Variants in GIT2 observed in about 807,000 individuals in gnomAD.
GIT2 encodes GIT ArfGAP 2.
Under a neutral mutation model 100.3 loss-of-function variants are expected in GIT2, and 32 were observed. The ratio of observed to expected loss-of-function variants is 0.32; its 90% CI spans 0.24 to 0.43. The LOEUF (loss-of-function observed/expected upper bound fraction) is 0.43, where lower values mean the gene tolerates loss of function less well. Among genes scored for constraint, GIT2 ranks in the 20% least tolerant of loss-of-function variants. The probability of loss-of-function intolerance (pLI) is 1.00; values close to 1 mark genes in which losing one functional copy is unlikely to be tolerated. For synonymous variants in GIT2, 353 were observed against 364.1 expected (o/e 0.97, Z 0.35); for missense variants, 737 against 975.1 (o/e 0.76, Z 3.25).
rs1881302292 is a variant in GIT2 at position 109,962,299 on chromosome 12, GCCAAGATCAC to G, written c.817-624_817-615del. ...GCCCAGGATATCAAGGCTGCAGTGA[GCCAAGATCAC>G]ACCACTGCACTCCAGGCTGGGTGAC... is the stretch of plus-strand genomic sequence containing the variant. On this transcript the variant is annotated intron_variant, in intron 9 of 19. Transcript: ENST00000355312. The surrounding 1 kb of genome is among the most constrained non-coding windows in gnomAD (Gnocchi z 4.3). Among the ~76,000 whole-genome samples the G allele has an allele frequency of 6.6e-6, 1 of 152,194 alleles. No individual in the cohort carries two copies. The highest frequency in any genetic ancestry group is 2.4e-5 in the African/African-American group (1 of 41,446).
chr12:109,936,099 A>G (rs1017185131), intron 18 of GIT2, among the ~76,000 whole-genome samples: 14 of 152,296 alleles, frequency 9.2e-5, no homozygotes, highest in East Asian at 1.9e-4. Context: ...AGAAAAAGGC[A>G]TGGGTTTAAT....
intron 7 of GIT2, among the ~76,000 whole-genome samples, chr12:109,972,255 C>T (rs981617664): frequency 6.6e-6 from 1 of 152,034 alleles, no homozygotes; most frequent in African/African-American, 2.4e-5. Flanking sequence ...GAGTGGACAC[C>T]CTAGTCTTTC....
chr12:109,966,246 G>A (rs865806796), intron 8 of GIT2, among the ~76,000 whole-genome samples: 3 of 140,282 alleles, frequency 2.1e-5, no homozygotes, highest in Non-Finnish European at 3.1e-5. Context: ...CACCCGCCTC[G>A]GCCTCTCAAA....
chr12:109,938,624 G>T, intron 17 of GIT2, 56 bp from the exon 18 acceptor site: 1 of 1,276,996 alleles, frequency 7.8e-7, no homozygotes, highest in South Asian at 1.4e-5. Context: ...CTGCCCCTCT[G>T]CTTCTAGGAG....
chr12:109,970,773 C>T (rs1883669701), intron 7 of GIT2, among the ~76,000 whole-genome samples: 1 of 152,164 alleles, frequency 6.6e-6, no homozygotes, highest in Non-Finnish European at 1.5e-5. Context: ...CTTCACCCTT[C>T]CATTTGAATT....
intron 13 of GIT2, among the ~76,000 whole-genome samples, chr12:109,951,539 C>T (rs1485188838): frequency 6.6e-6 from 1 of 152,188 alleles, no homozygotes; most frequent in Non-Finnish European, 1.5e-5. Flanking sequence ...GGCAGTGAGG[C>T]TACACATCTA....
At chr12:109,976,102 C>G (rs191798445) in intron 7 of GIT2, among the ~76,000 whole-genome samples, 5 of 122,976 alleles carry the variant, frequency 4.1e-5, no homozygotes, top group Non-Finnish European at 6.4e-5. Context: ...GTAGAAATTA[C>G]TATACACACA....
Position 109,951,154 on chromosome 12 carries a change from A to AT in GIT2, c.1392+12dup. On this transcript the variant is annotated intron_variant, in intron 14 of 19. Transcript: ENST00000355312. ...TAAAGCGTCAACCGTCCTGGCATTT[A>AT]TTAACATGTTACCTTTTTCTGCATA... The AT allele has an allele frequency of 6.2e-7, 1 of 1,609,734 alleles. No homozygotes were observed. Among genetic ancestry groups the AT allele is most frequent in the Non-Finnish European group, 8.5e-7 (1 of 1,176,018 alleles).
At chr12:109,966,189 T>A (rs1034880083) in intron 8 of GIT2, among the ~76,000 whole-genome samples, 1 of 145,498 alleles carries the variant, frequency 6.9e-6, no homozygotes. Context: ...AGAGACAGGG[T>A]TTCACCATCT....
At position 109,933,381 on chromosome 12, in the gene GIT2, C is replaced by T; in HGVS notation, c.2068-191G>A. The T allele has an allele frequency of 1.9e-6, 1 of 528,420 alleles. No individual in the cohort carries two copies. Among genetic ancestry groups the T allele is most frequent in the East Asian group, 2.9e-5 (1 of 34,180 alleles). The allele number at this position is 528,420 out of a possible 1,614,324, so 32.7% of individuals were successfully genotyped here. A position where few individuals can be genotyped will look rare whatever the true frequency, so the allele number is the denominator to read the frequency against. ...ACAGCGTAAGAGATGCTGAAATATT[C>T]TGATTCAAAGGTCAAAGTGCATGCA... On this transcript the variant is annotated intron_variant, in intron 19 of 19. Coordinates refer to ENST00000355312, the MANE Select transcript of GIT2 (RefSeq NM_057169.5). This position sits in a 1 kb window ranked among gnomAD's most constrained non-coding sequence, Gnocchi z 4.5.
intron 16 of GIT2, among the ~76,000 whole-genome samples, chr12:109,942,402 A>G (rs1421664826): frequency 6.6e-6 from 1 of 152,018 alleles, no homozygotes; most frequent in African/African-American, 2.4e-5. Flanking sequence ...ATCCTGGATC[A>G]CTGTAACTTC....
intron 1 of GIT2, among the ~76,000 whole-genome samples, chr12:109,995,642 T>C (rs1889211616): frequency 6.6e-6 from 1 of 152,128 alleles, no homozygotes; most frequent in Non-Finnish European, 1.5e-5. Context: ...CTGGTTGTGT[T>C]TGGAAGACCC....
chr12:109,999,183 C>T (rs1190095627), upstream of GIT2: 1 of 152,658 alleles, frequency 6.6e-6, no homozygotes, highest in Non-Finnish European at 1.5e-5. This position sits in a 1 kb window ranked among gnomAD's most constrained non-coding sequence, Gnocchi z 4.3. Context: ...TGGACCGAAC[C>T]ACATGGGGCT....
At chr12:109,991,397 T>C (rs1008634920) in intron 2 of GIT2, among the ~76,000 whole-genome samples, 2 of 152,130 alleles carry the variant, frequency 1.3e-5, no homozygotes, top group Non-Finnish European at 2.9e-5. Context: ...TTCATCTATC[T>C]ACCTATAATT....
Position 109,933,836 on chromosome 12 carries a change from G to T in GIT2, c.2067+186C>A, listed in dbSNP as rs1872243075. ...GGCTGGCCTCGAACTCCCGACCTCA[G>T]GTGATCTGCCTGTCTCGGCCTCCCA... On this transcript the variant is annotated intron_variant, in intron 19 of 19. Transcript: ENST00000355312. This position sits in a 1 kb window ranked among gnomAD's most constrained non-coding sequence, Gnocchi z 4.5. 10 of 571,522 alleles carry T rather than the reference G, an allele frequency of 1.7e-5. No individual in the cohort carries two copies. In the South Asian group the frequency reaches 1.8e-4, roughly 10 times the overall value. 35.4% of individuals were successfully genotyped at this position (571,522 alleles called of 1,614,324 possible). A position where few individuals can be genotyped will look rare whatever the true frequency, so the allele number is the denominator to read the frequency against.
chr12:109,983,041 G>A (rs886227850), intron 6 of GIT2: 4 of 208,180 alleles, frequency 1.9e-5, no homozygotes, highest in South Asian at 8.6e-5. Context: ...TTGCTTTTAA[G>A]TTCAAGAAAT....
intron 16 of GIT2, among the ~76,000 whole-genome samples, chr12:109,943,594 A>G (rs943273133): frequency 6.6e-6 from 1 of 152,128 alleles, no homozygotes; most frequent in African/African-American, 2.4e-5. Flanking sequence ...TTGGCCTTCC[A>G]AAGTGCTGGG....
intron 7 of GIT2, among the ~76,000 whole-genome samples, chr12:109,970,107 C>CTATG (rs1406707921): frequency 2.0e-5 from 3 of 152,044 alleles, no homozygotes; most frequent in African/African-American, 7.2e-5. Flanking sequence ...ACATTTAGAT[C>CTATG]TATGATCCTT....
At chr12:109,935,449 A>G (rs1403874123) in intron 18 of GIT2, among the ~76,000 whole-genome samples, 1 of 152,134 alleles carries the variant, frequency 6.6e-6, no homozygotes, top group Non-Finnish European at 1.5e-5. Flanking sequence ...GCAGTGGTGC[A>G]ATCTCGGCTC....
Sources: allele counts gnomAD v4.1 joint callset (sites outside exome capture counted in the v4.1 genomes callset), GRCh38; gene constraint gnomAD v4.1.1; non-coding constraint Gnocchi (gnomAD v3.1); transcripts MANE v1.5; gene names NCBI Gene and HGNC (gene_info 2026-07-23, HGNC 2026-07-21).